The following PACRG variants were observed in gnomAD, a reference collection of about 807,000 sequenced individuals.
The protein encoded by PACRG is parkin coregulated, also known as parkin coregulated gene protein.
Under a neutral mutation model 29.7 loss-of-function variants are expected in PACRG, and 29 were observed. That is an observed-to-expected ratio of 0.98 (90% CI 0.73 to 1.33). The LOEUF is 1.33. PACRG is among the 40% of genes most tolerant of loss of function. PACRG has a pLI of 0.00. For missense variants in PACRG, 279 were observed against 316.2 expected (o/e 0.88, Z 0.89); for synonymous variants, 116 against 118.7 (o/e 0.98, Z 0.15).
chr6:163,126,248 C>T (rs1229608795), intron 4 of PACRG, among the ~76,000 whole-genome samples: 4 of 152,206 alleles, frequency 2.6e-5, no homozygotes, highest in Non-Finnish European at 4.4e-5. Flanking sequence ...CGTTCAATTT[C>T]ACTCAGTAGC....
At chr6:162,980,828 A>G (rs1802352416) in intron 2 of PACRG, among the ~76,000 whole-genome samples, 1 of 152,160 alleles carries the variant, frequency 6.6e-6, no homozygotes, top group East Asian at 1.9e-4. Context: ...AACTATGGTA[A>G]TTACTACAAT....
At chr6:163,302,248 GTTTTTTTTTGT>G (rs1333294233) in intron 4 of PACRG, among the ~76,000 whole-genome samples, 190 of 104,618 alleles carry the variant, frequency 1.8e-3, no homozygotes, top group African/African-American at 7.8e-3. Context: ...TTTTTTGTTT[GTTTTTTTTTGT>G]TTTTTTTTTT....
chr6:162,774,810 C>G (rs1344154456), intron 1 of PACRG, among the ~76,000 whole-genome samples: 1 of 152,076 alleles, frequency 6.6e-6, no homozygotes, highest in Non-Finnish European at 1.5e-5. Flanking sequence ...TTGTTGTATT[C>G]TTTTATTATT....
At chr6:163,309,736 G>C (rs1285864001) in intron 4 of PACRG, among the ~76,000 whole-genome samples, 1 of 152,182 alleles carries the variant, frequency 6.6e-6, no homozygotes, top group African/African-American at 2.4e-5. Flanking sequence ...TCAGGCAGGA[G>C]AGCGTGTTGG....
intron 3 of PACRG, among the ~76,000 whole-genome samples, chr6:163,084,055 A>G (rs776011110): frequency 1.3e-5 from 2 of 152,150 alleles, no homozygotes; most frequent in Non-Finnish European, 2.9e-5. Flanking sequence ...TGAAGCCTCT[A>G]TCTTGTTTAT....
At chr6:162,975,548 A>G (rs1462528284) in intron 2 of PACRG, among the ~76,000 whole-genome samples, 4 of 152,146 alleles carry the variant, frequency 2.6e-5, no homozygotes, top group African/African-American at 9.7e-5. Flanking sequence ...GTCATGTTTT[A>G]CTTTAGCTTT....
intron 4 of PACRG, among the ~76,000 whole-genome samples, chr6:163,114,401 A>G (rs1431548680): frequency 6.6e-6 from 1 of 152,244 alleles, no homozygotes; most frequent in African/African-American, 2.4e-5. Flanking sequence ...GGGTGACCAC[A>G]AAGAAAATAG....
At chr6:163,134,062 AT>A (rs1247083485) in intron 4 of PACRG, among the ~76,000 whole-genome samples, 1 of 152,232 alleles carries the variant, frequency 6.6e-6, no homozygotes, top group Non-Finnish European at 1.5e-5. Context: ...AGACTCGCAC[AT>A]TCTACCAACA....
chr6:163,251,371 T>C (rs1782898005), intron 4 of PACRG, among the ~76,000 whole-genome samples: 1 of 152,240 alleles, frequency 6.6e-6, no homozygotes, highest in Non-Finnish European at 1.5e-5. Context: ...CTCTGCACTT[T>C]GGAGGTCGTT....
intron 4 of PACRG, among the ~76,000 whole-genome samples, chr6:163,222,363 C>T (rs967793977): frequency 2.0e-5 from 3 of 152,136 alleles, no homozygotes; most frequent in South Asian, 2.1e-4. Context: ...GTGGATCCCC[C>T]GAGGTCAGGC....
chr6:163,016,696 C>A lies in PACRG; in HGVS notation c.292-45454C>A, dbSNP rs535135363. 2.2e-3 allele frequency among the ~76,000 whole-genome samples: 341 copies of A among 152,128 alleles called. 2 individuals carry two copies. Among genetic ancestry groups the A allele is most frequent in the Non-Finnish European group, 3.9e-3 (266 of 67,986 alleles). ...AGTTACAGGATGAGAGCATTTTCAT[C>A]TTTCATATATTTGACAGGGAAACTA... On this transcript the variant is annotated intron_variant, in intron 2 of 4. Coordinates refer to ENST00000366888, the MANE Select transcript of PACRG (RefSeq NM_001080379.2).
At chr6:163,073,693 G>C (rs1812284431) in intron 3 of PACRG, among the ~76,000 whole-genome samples, 1 of 152,176 alleles carries the variant, frequency 6.6e-6, no homozygotes, top group Admixed American at 6.5e-5. Flanking sequence ...TCTGACAAGG[G>C]ATTAACAGCT....
At chr6:163,127,227 C>A (rs1274099058) in intron 4 of PACRG, among the ~76,000 whole-genome samples, 1 of 152,206 alleles carries the variant, frequency 6.6e-6, no homozygotes, top group African/African-American at 2.4e-5. Flanking sequence ...AAAAGAAAAA[C>A]AGAAACTTTT....
rs546911179 is a variant in PACRG at position 163,211,669 on chromosome 6, G to A, written c.614-103158G>A. On this transcript the variant is annotated intron_variant, in intron 4 of 4. Coordinates refer to ENST00000366888, the MANE Select transcript of PACRG (RefSeq NM_001080379.2). The stretch of plus-strand genomic sequence containing the variant: ...TCTACTTAATATGGTATATCTTCCC[G>A]TAGTAAAAGATGACTTCCTCGTTCC... Among the ~76,000 whole-genome samples the A allele has an allele frequency of 1.6e-4, 24 of 152,206 alleles. No homozygotes were observed. In the South Asian group the frequency reaches 1.9e-3, roughly 12 times the overall value.
At chr6:163,151,128 T>G (rs1778071945) in intron 4 of PACRG, among the ~76,000 whole-genome samples, 1 of 152,218 alleles carries the variant, frequency 6.6e-6, no homozygotes, top group Non-Finnish European at 1.5e-5. Context: ...GACTGCAATT[T>G]GATAAACTTT....
intron 4 of PACRG, among the ~76,000 whole-genome samples, chr6:163,109,327 C>T (rs1357890664): frequency 6.6e-6 from 1 of 152,230 alleles, no homozygotes; most frequent in Non-Finnish European, 1.5e-5. Flanking sequence ...CCCTACTATG[C>T]TGTAACAGTG....
intron 4 of PACRG, among the ~76,000 whole-genome samples, chr6:163,312,624 G>A (rs374963664): frequency 1.3e-5 from 2 of 151,402 alleles, no homozygotes; most frequent in East Asian, 1.9e-4. Flanking sequence ...AAAAACCGGT[G>A]GACTTCAAAT....
intron 1 of PACRG, among the ~76,000 whole-genome samples, chr6:162,765,110 C>T (rs1427636316): frequency 6.6e-6 from 1 of 152,014 alleles, no homozygotes; most frequent in Non-Finnish European, 1.5e-5. Flanking sequence ...TCATCATCAT[C>T]TTGTTCTCTC....
chr6:162,989,918 G>A (rs1019606000), intron 2 of PACRG, among the ~76,000 whole-genome samples: 24 of 151,910 alleles, frequency 1.6e-4, no homozygotes, highest in African/African-American at 5.8e-4. Context: ...TCCCCAGAGT[G>A]TGATGTTCCC....
Sources: allele counts gnomAD v4.1 joint callset (sites outside exome capture counted in the v4.1 genomes callset), GRCh38; gene constraint gnomAD v4.1.1; transcripts MANE v1.5; gene names NCBI Gene and HGNC (gene_info 2026-07-23, HGNC 2026-07-21).